Variants in OSBPL9 observed in about 807,000 individuals in gnomAD.
The protein encoded by OSBPL9 is oxysterol-binding protein-related protein 9.
A neutral mutation model predicts 106.6 loss-of-function variants in OSBPL9; 40 were observed. That is an observed-to-expected ratio of 0.38 (90% CI 0.29 to 0.49). OSBPL9 has a LOEUF of 0.49. Among genes scored for constraint, OSBPL9 ranks in the 20% least tolerant of loss-of-function variants. The pLI is 0.97. For synonymous variants in OSBPL9, 269 were observed against 295.4 expected (o/e 0.91, Z 0.92); for missense variants, 609 against 887.2 (o/e 0.69, Z 3.98).
intron 4 of OSBPL9, among the ~76,000 whole-genome samples, chr1:51,721,925 TA>T (rs1662203294): frequency 6.6e-6 from 1 of 152,230 alleles, no homozygotes; most frequent in South Asian, 2.1e-4. Flanking sequence ...ATTTGGTAAA[TA>T]TTTTTTAAGC....
At chr1:51,638,378 A>T (rs925081485) in intron 1 of OSBPL9, among the ~76,000 whole-genome samples, 2 of 152,128 alleles carry the variant, frequency 1.3e-5, no homozygotes, top group African/African-American at 4.8e-5. Flanking sequence ...GTCCCAAGGC[A>T]GTAACTGGGG....
the OSBPL9 span, among the ~76,000 whole-genome samples, chr1:51,551,713 A>T: frequency 6.6e-6 from 1 of 151,484 alleles, no homozygotes; most frequent in East Asian, 1.9e-4. Context: ...CAGCCTCCTG[A>T]GTAGCTGGGA....
At chr1:51,577,159 C>CT (rs1176556070), upstream of OSBPL9, 1 of 152,134 alleles carries the variant, frequency 6.6e-6, no homozygotes, top group East Asian at 1.9e-4. Context: ...GACGTACCTG[C>CT]TCCCTCTTCA....
chr1:51,641,111 A>G (rs1292164973), intron 1 of OSBPL9, among the ~76,000 whole-genome samples: 1 of 152,158 alleles, frequency 6.6e-6, no homozygotes, highest in Non-Finnish European at 1.5e-5. Flanking sequence ...TTTAAGACTG[A>G]CATTTAGCTA....
intron 3 of OSBPL9, among the ~76,000 whole-genome samples, chr1:51,682,676 G>A (rs778537977): frequency 1.1e-4 from 17 of 151,644 alleles, no homozygotes; most frequent in Non-Finnish European, 2.2e-4. Flanking sequence ...GAGATCGCTC[G>A]AACCCAGGAG....
chr1:51,622,862 A>G (rs898860185), intron 1 of OSBPL9, among the ~76,000 whole-genome samples: 2 of 152,254 alleles, frequency 1.3e-5, no homozygotes, highest in East Asian at 1.9e-4. Flanking sequence ...AATTTCAGAC[A>G]TGAGGAGGGA....
chr1:51,613,140 G>C (rs1437607258), upstream of OSBPL9, among the ~76,000 whole-genome samples: 1 of 152,124 alleles, frequency 6.6e-6, no homozygotes, highest in Non-Finnish European at 1.5e-5. Context: ...CAAGAACTGG[G>C]CTAGTTTCTA....
chr1:51,772,786 AGT>A, intron 14 of OSBPL9, 63 bp downstream of exon 14: 1 of 1,075,594 alleles, frequency 9.3e-7, no homozygotes, highest in Non-Finnish European at 1.4e-6. Flanking sequence ...TTGCGTGGTG[AGT>A]GTGCCTGCAA....
intron 8 of OSBPL9, among the ~76,000 whole-genome samples, chr1:51,750,789 T>C (rs916433791): frequency 3.3e-5 from 5 of 152,202 alleles, no homozygotes; most frequent in Non-Finnish European, 7.4e-5. Flanking sequence ...TGTTTGAGAA[T>C]AGGAATTTTT....
chr1:51,717,660 C>G (rs890980632), intron 4 of OSBPL9, among the ~76,000 whole-genome samples: 2 of 150,292 alleles, frequency 1.3e-5, no homozygotes, highest in African/African-American at 2.5e-5. Flanking sequence ...TATCATTTCA[C>G]CCCAGTTAAA....
At chr1:51,621,501 G>A (rs374603017) in intron 1 of OSBPL9, among the ~76,000 whole-genome samples, 84 of 139,150 alleles carry the variant, frequency 6.0e-4, no homozygotes, top group African/African-American at 2.2e-3. Context: ...GCAAGACTCC[G>A]TCTCAAAAAA....
At chr1:51,687,582 T>C (rs1654078817) in intron 3 of OSBPL9, among the ~76,000 whole-genome samples, 1 of 152,098 alleles carries the variant, frequency 6.6e-6, no homozygotes, top group African/African-American at 2.4e-5. Flanking sequence ...GAAGGATCAC[T>C]TAGCAACCTG....
intron 1 of OSBPL9, among the ~76,000 whole-genome samples, chr1:51,620,705 A>C (rs1644373503): frequency 6.6e-6 from 1 of 152,182 alleles, no homozygotes; most frequent in Non-Finnish European, 1.5e-5. Context: ...CTGGGGAGCT[A>C]AGCAGGAGGA....
intron 4 of OSBPL9, among the ~76,000 whole-genome samples, chr1:51,727,131 CTT>C (rs34741660): frequency 1.8e-4 from 19 of 107,300 alleles, no homozygotes; most frequent in South Asian, 3.1e-4. Flanking sequence ...GAGATGTAGG[CTT>C]TTTTTTTTTT....
At chr1:51,582,100 A>C (rs1645224049) in intron 1 of OSBPL9, among the ~76,000 whole-genome samples, 1 of 152,150 alleles carries the variant, frequency 6.6e-6, no homozygotes, top group South Asian at 2.1e-4. Flanking sequence ...ATTTATTCAG[A>C]TTTATTCAGA....
rs143945913 is a variant in OSBPL9, at chr1:51,652,105, T to C, written c.162+64T>C. On this transcript the variant is annotated intron_variant, in intron 2 of 23. Transcript: ENST00000428468. ...AGAAGAAAATTGTATTCTGATAGAA[T>C]TATGGAAGTCTAAATTTAGTTTAGC... 34 of 1,264,388 alleles carry C rather than the reference T, an allele frequency of 2.7e-5. No homozygotes were observed. In the East Asian group the frequency reaches 7.7e-4, roughly 28 times the overall value. 78.3% of individuals were successfully genotyped at this position (1,264,388 alleles called of 1,614,324 possible).
At chr1:51,539,826 G>T in the OSBPL9 span, among the ~76,000 whole-genome samples, 3 of 152,178 alleles carry the variant, frequency 2.0e-5, no homozygotes, top group Admixed American at 2.0e-4. Context: ...TCACTACCTA[G>T]CATCAAATAT....
At chr1:51,693,515 T>G (rs1279369241) in intron 3 of OSBPL9, among the ~76,000 whole-genome samples, 2 of 152,182 alleles carry the variant, frequency 1.3e-5, no homozygotes, top group Non-Finnish European at 2.9e-5. Flanking sequence ...TTGTAGATGC[T>G]TTGACAGAAG....
chr1:51,708,846 TTGA>T (rs1386815988), intron 3 of OSBPL9, among the ~76,000 whole-genome samples: 6 of 152,272 alleles, frequency 3.9e-5, no homozygotes, highest in Admixed American at 1.3e-4. Flanking sequence ...ATCAAAATCA[TTGA>T]TAATTTTATC....
Sources: allele counts gnomAD v4.1 joint callset (sites outside exome capture counted in the v4.1 genomes callset), GRCh38; gene constraint gnomAD v4.1.1; transcripts MANE v1.5; gene names NCBI Gene and HGNC (gene_info 2026-07-23, HGNC 2026-07-21).